TMEM51: variants seen among roughly 807,000 people sequenced by gnomAD.
TMEM51 encodes chromosome 1 open reading frame 72.
In TMEM51, 8 loss-of-function variants were observed where a neutral mutation model predicts 13.6. The ratio of observed to expected loss-of-function variants is 0.59; its 90% confidence interval spans 0.35 to 1.07. TMEM51 has a LOEUF of 1.07. TMEM51 is among the 50% of genes least tolerant of loss of function. The pLI, the probability that TMEM51 is intolerant of heterozygous loss-of-function variation, is 0.02. For synonymous variants in TMEM51, 147 were observed against 144.4 expected (o/e 1.02, Z -0.13); for missense variants, 279 against 330.7 (o/e 0.84, Z 1.21).
chr1:15,164,873 G>T (rs1253301949), intron 1 of TMEM51, among the ~76,000 whole-genome samples: 1 of 147,472 alleles, frequency 6.8e-6, no homozygotes, highest in South Asian at 2.1e-4. Context: ...CACAATCTCG[G>T]CTCACTGCAA....
chr1:15,182,519 A>AAAT, intron 1 of TMEM51, among the ~76,000 whole-genome samples: 1 of 152,388 alleles, frequency 6.6e-6, no homozygotes, highest in South Asian at 2.1e-4. Flanking sequence ...GACCTTGAGC[A>AAAT]AATAATTCAC....
Position 15,219,883 on chromosome 1 carries a change from G to C in TMEM51, c.*140G>C, listed in dbSNP as rs971265249. The C allele has an allele frequency of 2.2e-6, 2 of 928,966 alleles. No homozygotes were observed. Among genetic ancestry groups the C allele is most frequent in the Admixed American group, 2.8e-5 (1 of 35,194 alleles). 57.5% of individuals were successfully genotyped at this position (928,966 alleles called of 1,614,324 possible). On this transcript the variant is annotated 3_prime_UTR_variant, in exon 4 of 4. Coordinates refer to ENST00000376008, the MANE Select transcript of TMEM51 (RefSeq NM_001136218.2). The stretch of plus-strand genomic sequence containing the variant: ...CATTTGGATGGCGGCGGGCGGGGGG[G>C]GATTCTCTGTATCAGGAGTGACTTT...
At chr1:15,157,421 A>G (rs1642626150) in intron 1 of TMEM51, among the ~76,000 whole-genome samples, 3 of 152,190 alleles carry the variant, frequency 2.0e-5, no homozygotes, top group South Asian at 2.1e-4. Flanking sequence ...TGCTTATTTG[A>G]CAACTGGGGA....
Position 15,164,110 on chromosome 1 carries a change from G to A in TMEM51, c.-267+10156G>A, listed in dbSNP as rs138512017. On this transcript the variant is annotated intron_variant, in intron 1 of 3. Coordinates refer to ENST00000376008, the MANE Select transcript of TMEM51 (RefSeq NM_001136218.2). ...CTCCCAAAGTGCTGGGATTACAGGC[G>A]TGAGCCACCATGCCCGGCCTAATGT... Among the ~76,000 whole-genome samples, 48 of 152,076 alleles carry A rather than the reference G, an allele frequency of 3.2e-4. 1 individual carries two copies. The highest frequency in any genetic ancestry group is 1.1e-3 in the African/African-American group (46 of 41,412).
upstream of TMEM51, chr1:15,152,877 G>C (rs1642443145): frequency 6.6e-6 from 1 of 151,844 alleles, no homozygotes; most frequent in African/African-American, 2.4e-5. Flanking sequence ...GCAGAGACTG[G>C]CTGCCCGCCT....
At chr1:15,175,792 C>T (rs1643439869) in intron 1 of TMEM51, among the ~76,000 whole-genome samples, 1 of 152,144 alleles carries the variant, frequency 6.6e-6, no homozygotes, top group Non-Finnish European at 1.5e-5. Context: ...GGGGAAGCTG[C>T]CCCCATGATT....
At chr1:15,200,318 G>T (rs1242160452) in intron 1 of TMEM51, among the ~76,000 whole-genome samples, 1 of 148,126 alleles carries the variant, frequency 6.8e-6, no homozygotes, top group African/African-American at 2.5e-5. Flanking sequence ...TAAGGCAGAA[G>T]GATTGCCTGA....
At chr1:15,190,606 A>G (rs1643903199) in intron 1 of TMEM51, among the ~76,000 whole-genome samples, 1 of 151,322 alleles carries the variant, frequency 6.6e-6, no homozygotes, top group African/African-American at 2.4e-5. Context: ...CCCTACCCCC[A>G]AAAGATCTAC....
At chr1:15,213,718 G>A (rs147562712) in intron 2 of TMEM51, among the ~76,000 whole-genome samples, 4 of 152,322 alleles carry the variant, frequency 2.6e-5, no homozygotes, top group East Asian at 1.9e-4. Flanking sequence ...GCACAGGAGC[G>A]GAGAGGAAGA....
chr1:15,156,815 C>T (rs1642607487), intron 1 of TMEM51, among the ~76,000 whole-genome samples: 1 of 152,196 alleles, frequency 6.6e-6, no homozygotes, highest in Non-Finnish European at 1.5e-5. Flanking sequence ...GGAACCCAGC[C>T]CTCCTGACTC....
Position 15,215,340 on chromosome 1 carries a change from A to G in TMEM51, c.253A>G (p.Ile85Val). ...MLLLLSICLS[I>V]RDKRKQRQGE... ...GCTGCTGCTTTCTATCTGCCTGAGTATCAGGGATAAGAGGAAGCAGCGGCA... is the reference window on the plus strand; with the variant it reads ...GCTGCTGCTTTCTATCTGCCTGAGTGTCAGGGATAAGAGGAAGCAGCGGCA... The change falls in exon 3 of 4, where the codon ATC becomes GTC. Residue 85 changes from isoleucine to valine, a missense_variant. Physicochemically the swap from Ile to Val is conservative, Grantham distance 29. Transcript: ENST00000376008. 1 of 1,613,922 alleles carries G rather than the reference A, an allele frequency of 6.2e-7. No homozygotes were observed. The highest frequency in any genetic ancestry group is 1.7e-4 in the Middle Eastern group (1 of 6,060).
intron 1 of TMEM51, among the ~76,000 whole-genome samples, chr1:15,204,528 C>A (rs897247575): frequency 6.6e-6 from 1 of 152,190 alleles, no homozygotes; most frequent in African/African-American, 2.4e-5. Context: ...GCACTCCAGC[C>A]TGGGTGAGAG....
intron 1 of TMEM51, among the ~76,000 whole-genome samples, chr1:15,179,366 G>A (rs1643543232): frequency 1.3e-5 from 2 of 152,134 alleles, no homozygotes; most frequent in African/African-American, 4.8e-5. Flanking sequence ...TAAACAAACT[G>A]ATACAGTCAC....
At chr1:15,154,321 C>T (rs1642512141) in intron 1 of TMEM51, among the ~76,000 whole-genome samples, 1 of 152,238 alleles carries the variant, frequency 6.6e-6, no homozygotes, top group South Asian at 2.1e-4. Context: ...GCAGAACTTC[C>T]CAGTAGGTCC....
intron 3 of TMEM51, 40 bp from the exon 4 acceptor site, chr1:15,219,286 C>T: frequency 6.6e-7 from 1 of 1,526,504 alleles, no homozygotes; most frequent in Non-Finnish European, 8.8e-7. Flanking sequence ...ATGACTTGAG[C>T]ACAGGCTAAC....
At chr1:15,191,896 G>T in intron 1 of TMEM51, 1 of 527,906 alleles carries the variant, frequency 1.9e-6, no homozygotes, top group Non-Finnish European at 3.9e-6. Flanking sequence ...TTCTCTTTTA[G>T]CACGTTGTTT....
Position 15,192,430 on chromosome 1 carries a change from TTTTCTTTC to T in TMEM51, c.-266-18044_-266-18037del, listed in dbSNP as rs141016745. ...GGTCAGCGTTTGGCAGTGCTACTTTTTTTCTTTCTTTCTTTCTTTCTTTTCTTTTCCTT... is the reference window on the plus strand; with the variant it reads ...GGTCAGCGTTTGGCAGTGCTACTTTTTTTCTTTCTTTCTTTTCTTTTCCTT... On this transcript the variant is annotated intron_variant, in intron 1 of 3. Coordinates refer to ENST00000376008, the MANE Select transcript of TMEM51 (RefSeq NM_001136218.2). 8.1e-5 allele frequency: 21 copies of T among 258,944 alleles called. 1 individual carries two copies. Among genetic ancestry groups the T allele is most frequent in the African/African-American group, 2.8e-4 (10 of 35,298 alleles). The allele number at this position is 258,944 out of a possible 1,614,324, so 16.0% of individuals were successfully genotyped here. A position where few individuals can be genotyped will look rare whatever the true frequency, so the allele number is the denominator to read the frequency against.
In TMEM51 at chr1:15,182,494, G is replaced by A. The variant is rs181975236; in HGVS notation, c.-266-27996G>A. On this transcript the variant is annotated intron_variant, in intron 1 of 3. Transcript: ENST00000376008. ...GAGCTGTTCAAGCTCTGGGTCTCTCGCCAACTGGCAGTGTGACCTTGAGCA... is the reference window on the plus strand; with the variant it reads ...GAGCTGTTCAAGCTCTGGGTCTCTCACCAACTGGCAGTGTGACCTTGAGCA... Among the ~76,000 whole-genome samples the A allele has an allele frequency of 5.4e-3, 816 of 152,362 alleles. 8 individuals are homozygous for A. Among genetic ancestry groups the A allele is most frequent in the African/African-American group, 0.018 (751 of 41,588 alleles).
At chr1:15,195,669 A>G (rs1325231322) in intron 1 of TMEM51, among the ~76,000 whole-genome samples, 2 of 152,152 alleles carry the variant, frequency 1.3e-5, no homozygotes, top group African/African-American at 4.8e-5. Flanking sequence ...GGCTTGCTAT[A>G]TGACATGTCA....
Sources: allele counts gnomAD v4.1 joint callset (sites outside exome capture counted in the v4.1 genomes callset), GRCh38; gene constraint gnomAD v4.1.1; transcripts MANE v1.5; gene names NCBI Gene and HGNC (gene_info 2026-07-23, HGNC 2026-07-21).